FGF14: variants seen among roughly 807,000 people sequenced by gnomAD.
The protein encoded by FGF14 is fibroblast growth factor homologous factor 4.
Under a neutral mutation model 25.5 loss-of-function variants are expected in FGF14, and 5 were observed. The observed-to-expected ratio is 0.20, with a 90% confidence interval of 0.10 to 0.41. The LOEUF (loss-of-function observed/expected upper bound fraction) is 0.41, where lower values mean the gene tolerates loss of function less well. FGF14 is among the 10% of genes least tolerant of loss of function. The probability of loss-of-function intolerance (pLI) is 1.00; values close to 1 mark genes in which losing one functional copy is unlikely to be tolerated. For missense variants in FGF14, 222 were observed against 320.1 expected, an observed-to-expected ratio of 0.69 and a Z score of 2.34; for synonymous variants, 138 against 118.3, an observed-to-expected ratio of 1.17 and a Z score of -1.08.
At chr13:101,879,995 T>C (rs1386177666) in intron 1 of FGF14, among the ~76,000 whole-genome samples, 3 of 152,152 alleles carry the variant, frequency 2.0e-5, no homozygotes, top group Non-Finnish European at 4.4e-5. Flanking sequence ...AAATGATAGA[T>C]AAAATTAAAG....
At position 101,962,762 on chromosome 13, in the gene FGF14, T is replaced by C. The variant is rs374678077; in HGVS notation, c.209-87466A>G. Among the ~76,000 whole-genome samples the C allele has an allele frequency of 1.7e-4, 26 of 152,336 alleles. No homozygotes were observed. The South Asian group carries it at 3.3e-3, about 19-fold the overall frequency. ...AACATGTTTATTTTTATACATGTAT[T>C]GTTTGGAGACTAAATAGCACAATAA... On this transcript the variant is annotated intron_variant, in intron 1 of 4. Coordinates refer to the FGF14 transcript ENST00000376131.
intron 1 of FGF14, among the ~76,000 whole-genome samples, chr13:102,005,468 C>A (rs1418497021): frequency 6.6e-6 from 1 of 152,154 alleles, no homozygotes; most frequent in Non-Finnish European, 1.5e-5. Flanking sequence ...AGGAACAGTG[C>A]CAGTTCACAG....
At chr13:101,942,995 C>T (rs1329997984) in intron 1 of FGF14, among the ~76,000 whole-genome samples, 1 of 152,200 alleles carries the variant, frequency 6.6e-6, no homozygotes, top group Non-Finnish European at 1.5e-5. Flanking sequence ...TCTTAATCCC[C>T]ACTTTCTGCC....
At chr13:102,133,403 T>C (rs1364191695) in intron 1 of FGF14, among the ~76,000 whole-genome samples, 2 of 152,208 alleles carry the variant, frequency 1.3e-5, no homozygotes, top group South Asian at 2.1e-4. Context: ...TGAACAATAA[T>C]TTGGATTGTG....
At chr13:102,267,387 A>T (rs559825494) in intron 1 of FGF14, among the ~76,000 whole-genome samples, 123 of 152,326 alleles carry the variant, frequency 8.1e-4, no homozygotes, top group African/African-American at 2.8e-3. Context: ...AATGCAGTGG[A>T]GAAATGCTGG....
At chr13:102,061,152 C>A (rs2140105233) in intron 1 of FGF14, among the ~76,000 whole-genome samples, 1 of 152,354 alleles carries the variant, frequency 6.6e-6, no homozygotes, top group Non-Finnish European at 1.5e-5. Context: ...ATTCTCCAAG[C>A]CCTTATGTGA....
intron 1 of FGF14, among the ~76,000 whole-genome samples, chr13:102,305,409 C>A (rs76877226): frequency 6.6e-6 from 1 of 152,002 alleles, no homozygotes; most frequent in Non-Finnish European, 1.5e-5. Context: ...ATAATAATAA[C>A]CAATCAAATG....
intron 3 of FGF14, among the ~76,000 whole-genome samples, chr13:101,844,845 T>C (rs991728812): frequency 6.6e-5 from 10 of 152,016 alleles, no homozygotes; most frequent in African/African-American, 1.7e-4. Flanking sequence ...CAAAGAGTTA[T>C]GGTGCAGAGT....
chr13:102,266,523 G>A (rs988470565), intron 1 of FGF14, among the ~76,000 whole-genome samples: 19 of 152,064 alleles, frequency 1.2e-4, no homozygotes, highest in Admixed American at 7.9e-4. Flanking sequence ...AGAGAAAGAA[G>A]CAAAGATCAG....
chr13:102,106,686 C>T (rs1363006834), intron 1 of FGF14, among the ~76,000 whole-genome samples: 1 of 152,070 alleles, frequency 6.6e-6, no homozygotes, highest in Non-Finnish European at 1.5e-5. Context: ...CCCCAAAGGA[C>T]ATGATCACAA....
At chr13:102,377,908 A>G (rs1346232713) in intron 1 of FGF14, among the ~76,000 whole-genome samples, 1 of 152,218 alleles carries the variant, frequency 6.6e-6, no homozygotes, top group Non-Finnish European at 1.5e-5. Flanking sequence ...AGCCAGTCTC[A>G]CTGTAGGCAA....
chr13:101,945,609 T>C (rs1183769070), intron 1 of FGF14, among the ~76,000 whole-genome samples: 2 of 152,156 alleles, frequency 1.3e-5, no homozygotes, highest in Non-Finnish European at 2.9e-5. Flanking sequence ...TGCCCTCCCA[T>C]GGTCACCCCA....
At chr13:102,141,684 T>C (rs533979765) in intron 1 of FGF14, among the ~76,000 whole-genome samples, 3 of 152,272 alleles carry the variant, frequency 2.0e-5, no homozygotes, top group South Asian at 4.1e-4. Flanking sequence ...CTCAATTACA[T>C]AGGATTTTTC....
At chr13:102,167,015 C>T (rs1035553719) in intron 1 of FGF14, among the ~76,000 whole-genome samples, 10 of 151,968 alleles carry the variant, frequency 6.6e-5, no homozygotes, top group East Asian at 1.9e-4. Flanking sequence ...AAAGACAAAG[C>T]GAATTGGCAG....
At chr13:102,121,500 G>GA (rs2045723328) in intron 1 of FGF14, among the ~76,000 whole-genome samples, 2 of 152,024 alleles carry the variant, frequency 1.3e-5, no homozygotes, top group Admixed American at 1.3e-4. Flanking sequence ...AAATGCAGAA[G>GA]AAAAAGTTTA....
At chr13:102,308,003 C>G (rs1232217736) in intron 1 of FGF14, among the ~76,000 whole-genome samples, 1 of 152,126 alleles carries the variant, frequency 6.6e-6, no homozygotes, top group Non-Finnish European at 1.5e-5. Context: ...ACAAATAGTG[C>G]TGCTAAAGCC....
chr13:102,103,617 T>C (rs1056794479), intron 1 of FGF14, among the ~76,000 whole-genome samples: 1 of 152,168 alleles, frequency 6.6e-6, no homozygotes, highest in Non-Finnish European at 1.5e-5. Context: ...TGTAACTTGC[T>C]ACAAATGCAA....
intron 1 of FGF14, among the ~76,000 whole-genome samples, chr13:101,903,320 A>T (rs1014683236): frequency 6.6e-6 from 1 of 151,796 alleles, no homozygotes; most frequent in Non-Finnish European, 1.5e-5. Flanking sequence ...ATATTTCCTC[A>T]TTGAAGCTTT....
rs1025054523 is a variant in FGF14, at chr13:101,884,433, A to G, written c.194-9137T>C. On this transcript the variant is annotated intron_variant, in intron 1 of 4. Transcript: ENST00000376143. ...ATGATTTAGTTTTGCCTCAGAAGAC[A>G]GAATTAGGACAAATAAGTAGAGTGA... Among the ~76,000 whole-genome samples, 4 of 152,202 alleles carry G rather than the reference A, an allele frequency of 2.6e-5. No individual in the cohort carries two copies. In the East Asian group the frequency reaches 7.7e-4, roughly 29 times the overall value.
Sources: allele counts gnomAD v4.1 joint callset (sites outside exome capture counted in the v4.1 genomes callset), GRCh38; gene constraint gnomAD v4.1.1; transcripts MANE v1.5; gene names NCBI Gene and HGNC (gene_info 2026-07-23, HGNC 2026-07-21).